SDC4: variants seen among roughly 807,000 people sequenced by gnomAD.
SDC4 encodes syndecan-4.
SDC4 carries 17 observed loss-of-function variants against 20.5 expected under a neutral mutation model. The observed-to-expected ratio is 0.83, with a 90% CI of 0.57 to 1.25. SDC4 has a LOEUF of 1.25. SDC4 is among the 50% of genes most tolerant of loss of function. The pLI is 0.00. For synonymous variants in SDC4, 107 were observed against 105.3 expected (o/e 1.02, Z -0.10); for missense variants, 241 against 252.3 (o/e 0.96, Z 0.30).
intron 4 of SDC4, 61 bp downstream of exon 4, chr20:45,330,305 C>T: frequency 6.7e-7 from 1 of 1,481,712 alleles, no homozygotes; most frequent in Non-Finnish European, 9.4e-7. Flanking sequence ...CCTGCAGGTG[C>T]TCTCCCCCGC....
intron 1 of SDC4, among the ~76,000 whole-genome samples, chr20:45,341,559 TAAATA>T (rs1987953065): frequency 6.6e-6 from 1 of 151,850 alleles, no homozygotes; most frequent in African/African-American, 2.4e-5. Context: ...ACAAAATAAA[TAAATA>T]AAAATCTAGA....
At chr20:45,341,270 G>A (rs1202155713) in intron 1 of SDC4, among the ~76,000 whole-genome samples, 1 of 152,184 alleles carries the variant, frequency 6.6e-6, no homozygotes, top group Non-Finnish European at 1.5e-5. Context: ...AAGCTAGCCT[G>A]GGGACAGGGA....
intron 2 of SDC4, among the ~76,000 whole-genome samples, chr20:45,334,549 C>A (rs1360236546): frequency 1.3e-5 from 2 of 151,152 alleles, no homozygotes; most frequent in Non-Finnish European, 3.0e-5. Flanking sequence ...AGTGCAATGG[C>A]GTGATCTCAG....
rs1376487656 is a variant in SDC4 at position 45,335,804 on chromosome 20, C to T, written c.177G>A (p.Glu59=). ...VGPGQESDDF[E]LSGSGDLDDL... ...TACCCAGATCTCCAGAGCCAGACAG[C>T]TCAAAGTCATCAGATTCCTGCCCGG... Residue 59 remains glutamate (E), a synonymous_variant, in exon 2 of 5, where the codon GAG becomes GAA. Transcript: ENST00000372733. 2 of 1,613,866 alleles carry T rather than the reference C, an allele frequency of 1.2e-6. No individual in the cohort carries two copies. Among genetic ancestry groups the T allele is most frequent in the Admixed American group, 1.7e-5 (1 of 60,000 alleles).
chr20:45,345,660 C>T (rs1032296241), intron 1 of SDC4: 1 of 152,254 alleles, frequency 6.6e-6, no homozygotes, highest in African/African-American at 2.4e-5. Flanking sequence ...GGGGACACTT[C>T]CCCACAACCG....
chr20:45,345,156 C>T (rs1428473650), intron 1 of SDC4: 3 of 152,142 alleles, frequency 2.0e-5, no homozygotes, highest in Admixed American at 2.0e-4. Context: ...ACAAGCATTT[C>T]CTGAGTACAA....
chr20:45,333,396 C>T lies in SDC4; in HGVS notation c.200-327G>A, dbSNP rs186607261. On this transcript the variant is annotated intron_variant, in intron 2 of 4. Transcript: ENST00000372733. ...AAATGTAGAATTTCAAGGCCAGGCG[C>T]GGTGGCTCACGCCTGTAATCCCAGC... 2.5e-4 allele frequency among the ~76,000 whole-genome samples: 38 copies of T among 152,348 alleles called. 1 individual carries two copies. The highest frequency in any genetic ancestry group is 8.2e-4 in the African/African-American group (34 of 41,572).
chr20:45,329,656 G>A (rs1987745829), intron 4 of SDC4, among the ~76,000 whole-genome samples: 1 of 152,176 alleles, frequency 6.6e-6, no homozygotes, highest in Admixed American at 6.5e-5. Context: ...GAGTTACCCA[G>A]CATGGGCCCA....
At chr20:45,346,747 G>C (rs1232680858) in intron 1 of SDC4, among the ~76,000 whole-genome samples, 1 of 152,182 alleles carries the variant, frequency 6.6e-6, no homozygotes, top group Non-Finnish European at 1.5e-5. Context: ...CTTTGGTTTA[G>C]GTTAAGTCAT....
intron 1 of SDC4, among the ~76,000 whole-genome samples, chr20:45,338,554 TG>T (rs1230735954): frequency 6.6e-6 from 1 of 152,172 alleles, no homozygotes; most frequent in Non-Finnish European, 1.5e-5. Context: ...TCTTTCAGTA[TG>T]TGAAAGTGCT....
At chr20:45,334,855 A>T (rs1206067963) in intron 2 of SDC4, among the ~76,000 whole-genome samples, 1 of 152,182 alleles carries the variant, frequency 6.6e-6, no homozygotes, top group African/African-American at 2.4e-5. Context: ...AAAAGCTTTA[A>T]GTCAGTTCAG....
intron 1 of SDC4, chr20:45,345,261 T>C (rs1362094159): frequency 6.6e-6 from 1 of 151,934 alleles, no homozygotes. Context: ...TTTGGTGGAG[T>C]ATGTTAATTC....
At chr20:45,348,289 G>A (rs1256280223) in intron 1 of SDC4, 36 bp downstream of exon 1, 3 of 1,474,554 alleles carry the variant, frequency 2.0e-6, no homozygotes, top group African/African-American at 3.1e-5. Context: ...CTGCGCCCCC[G>A]CTTCGCCCCC....
intron 1 of SDC4, among the ~76,000 whole-genome samples, chr20:45,339,492 T>G (rs1226018303): frequency 1.3e-5 from 2 of 152,248 alleles, no homozygotes; most frequent in Non-Finnish European, 2.9e-5. Flanking sequence ...CACAGTGGCT[T>G]AATCCCAACA....
In SDC4 at chr20:45,330,370, C is replaced by A; in HGVS notation, c.441G>T (p.Leu147=). Residue 147 remains leucine, a synonymous_variant, in exon 4 of 5, where the codon CTG becomes CTT. Coordinates refer to ENST00000372733, the MANE Select transcript of SDC4 (RefSeq NM_002999.4). ...GSNIFERTEV[L]AALIVGGIVG... is the part of the protein sequence containing the mutation. ...ATAAGCAGCATGGGGACTTACCTGC[C>A]AGGACCTCCGTTCTCTCAAAGATGT... The A allele has an allele frequency of 6.2e-7, 1 of 1,613,950 alleles. No individual in the cohort carries two copies. Among genetic ancestry groups the A allele is most frequent in the Non-Finnish European group, 8.5e-7 (1 of 1,180,014 alleles).
At chr20:45,338,365 A>AG (rs1987904646) in intron 1 of SDC4, among the ~76,000 whole-genome samples, 1 of 147,568 alleles carries the variant, frequency 6.8e-6, no homozygotes. Context: ...CCTGTTAAGT[A>AG]GGGGGGTCAA....
At chr20:45,337,548 G>A (rs564097698) in intron 1 of SDC4, among the ~76,000 whole-genome samples, 2 of 152,342 alleles carry the variant, frequency 1.3e-5, no homozygotes, top group South Asian at 2.1e-4. Flanking sequence ...TCAGGTCTCT[G>A]TTTCGGACAC....
In SDC4 at chr20:45,343,618, G is replaced by A. The variant is rs561342982; in HGVS notation, c.60+4707C>T. On this transcript the variant is annotated intron_variant, in intron 1 of 4. Transcript: ENST00000372733. The stretch of plus-strand genomic sequence containing the variant: ...CCACTTCTAAGATAAACAAATAGGA[G>A]ATTTGGACTCCAAAAGCCCCACCCT... 2.0e-5 allele frequency among the ~76,000 whole-genome samples: 3 copies of A among 152,290 alleles called. No individual in the cohort carries two copies. The South Asian group carries it at 6.2e-4, about 32-fold the overall frequency.
intron 1 of SDC4, among the ~76,000 whole-genome samples, chr20:45,342,228 G>A (rs116865451): frequency 0.022 from 3,314 of 152,248 alleles, 68 homozygotes; most frequent in Admixed American, 0.073. Context: ...ATCAGCCCTG[G>A]GTGCTGGCTT....
Sources: allele counts gnomAD v4.1 joint callset (sites outside exome capture counted in the v4.1 genomes callset), GRCh38; gene constraint gnomAD v4.1.1; transcripts MANE v1.5; gene names NCBI Gene and HGNC (gene_info 2026-07-23, HGNC 2026-07-21).